SMIM8: variants seen among roughly 807,000 people sequenced by gnomAD.
SMIM8 encodes the protein UPF0708 protein C6orf162.
SMIM8 carries 8 observed loss-of-function variants against 8.1 expected under a neutral mutation model. The observed-to-expected ratio is 0.99, with a 90% CI of 0.58 to 1.78. The LOEUF is 1.78. Among genes scored for constraint, SMIM8 ranks in the 40% most tolerant of loss-of-function variants. The probability of loss-of-function intolerance (pLI) is 0.00; values close to 1 mark genes in which losing one functional copy is unlikely to be tolerated. For synonymous variants in SMIM8, 45 were observed against 39.7 expected (o/e 1.13, Z -0.50); for missense variants, 126 against 119.8 (o/e 1.05, Z -0.24).
chr6:87,323,922 C>T (rs925123071), intron 1 of SMIM8, among the ~76,000 whole-genome samples: 2 of 152,010 alleles, frequency 1.3e-5, no homozygotes, highest in African/African-American at 2.4e-5. Flanking sequence ...TCTCCACAGC[C>T]TCTCCAGCAC....
intron 2 of SMIM8, among the ~76,000 whole-genome samples, chr6:87,335,422 A>G (rs1301466924): frequency 1.3e-5 from 2 of 152,228 alleles, no homozygotes; most frequent in African/African-American, 4.8e-5. Flanking sequence ...GAAGAAGGCA[A>G]CAATGATAAT....
chr6:87,336,609 G>A (rs1777117993), intron 2 of SMIM8, among the ~76,000 whole-genome samples: 1 of 152,116 alleles, frequency 6.6e-6, no homozygotes, highest in Admixed American at 6.6e-5. Context: ...TCAGGTTGGT[G>A]TTATGGAGGG....
At chr6:87,333,345 C>T (rs1404983249) in intron 2 of SMIM8, among the ~76,000 whole-genome samples, 14 of 152,214 alleles carry the variant, frequency 9.2e-5, no homozygotes, top group Admixed American at 5.9e-4. Flanking sequence ...TAGGCCTCAC[C>T]TCCGACATTG....
chr6:87,335,436 G>C (rs1218265386), intron 2 of SMIM8, among the ~76,000 whole-genome samples: 1 of 152,158 alleles, frequency 6.6e-6, no homozygotes, highest in Non-Finnish European at 1.5e-5. Flanking sequence ...TGATAATCAT[G>C]ATATGCATGA....
intron 1 of SMIM8, among the ~76,000 whole-genome samples, chr6:87,329,528 C>A (rs1490263311): frequency 6.6e-6 from 1 of 152,020 alleles, no homozygotes; most frequent in African/African-American, 2.4e-5. Context: ...TGACCTCAAG[C>A]AATCTACCCG....
At chr6:87,329,946 C>G (rs570424950) in intron 1 of SMIM8, among the ~76,000 whole-genome samples, 2 of 152,244 alleles carry the variant, frequency 1.3e-5, no homozygotes, top group South Asian at 4.2e-4. Flanking sequence ...CATTTAGTAC[C>G]TATCTATGCA....
At chr6:87,339,997 A>G (rs1177974596) in intron 3 of SMIM8, 119 bp from the exon 4 acceptor site, 2 of 669,084 alleles carry the variant, frequency 3.0e-6, no homozygotes, top group Non-Finnish European at 4.8e-6. Context: ...AAATATTGCC[A>G]TGGTAATGCT....
intron 1 of SMIM8, among the ~76,000 whole-genome samples, chr6:87,323,657 C>T (rs1450551321): frequency 1.3e-5 from 2 of 152,072 alleles, no homozygotes; most frequent in Non-Finnish European, 2.9e-5. Context: ...GCCACATTTT[C>T]TTAATCCAGT....
intron 1 of SMIM8, among the ~76,000 whole-genome samples, chr6:87,325,466 T>G (rs1373757221): frequency 7.9e-6 from 1 of 126,286 alleles, no homozygotes; most frequent in East Asian, 2.2e-4. Flanking sequence ...ATTGAGAGTT[T>G]TTAGCATGAA....
At chr6:87,338,820 G>T (rs139530586) in intron 3 of SMIM8, among the ~76,000 whole-genome samples, 11 of 152,158 alleles carry the variant, frequency 7.2e-5, no homozygotes, top group African/African-American at 2.4e-4. Flanking sequence ...GCAAAGAAAA[G>T]GGTCTGAGGT....
intron 1 of SMIM8, among the ~76,000 whole-genome samples, chr6:87,324,492 A>G (rs1776766029): frequency 6.6e-6 from 1 of 150,580 alleles, no homozygotes; most frequent in South Asian, 2.1e-4. Flanking sequence ...ACATATGGCT[A>G]GCCAGTTTTC....
chr6:87,332,323 ATATG>A (rs879401512), intron 2 of SMIM8, among the ~76,000 whole-genome samples: 9,689 of 89,792 alleles, frequency 0.11, 799 homozygotes, highest in African/African-American at 0.26. Context: ...CCCCCCCCAT[ATATG>A]TATATATATA....
chr6:87,328,404 T>G (rs1202502083), intron 1 of SMIM8, among the ~76,000 whole-genome samples: 2 of 152,080 alleles, frequency 1.3e-5, no homozygotes, highest in Non-Finnish European at 2.9e-5. Context: ...TTGTCTTTGT[T>G]GATGGTGATG....
At chr6:87,330,002 A>T (rs1161138295) in intron 1 of SMIM8, among the ~76,000 whole-genome samples, 1 of 152,360 alleles carries the variant, frequency 6.6e-6, no homozygotes, top group South Asian at 2.1e-4. Context: ...TGAGAATCAG[A>T]GTTGTCACTT....
intron 1 of SMIM8, among the ~76,000 whole-genome samples, chr6:87,329,848 G>T (rs1776951367): frequency 6.6e-6 from 1 of 152,172 alleles, no homozygotes; most frequent in South Asian, 2.1e-4. Flanking sequence ...TTTAGAAGGG[G>T]GAGTTAGACT....
chr6:87,337,237 G>A (rs1352084599), intron 3 of SMIM8, 71 bp downstream of exon 3: 2 of 1,458,480 alleles, frequency 1.4e-6, no homozygotes, highest in Non-Finnish European at 1.8e-6. Flanking sequence ...TAATTTTCTT[G>A]TATTTGATTT....
chr6:87,336,625 T>A (rs914674800), intron 2 of SMIM8, among the ~76,000 whole-genome samples: 1 of 152,102 alleles, frequency 6.6e-6, no homozygotes, highest in Non-Finnish European at 1.5e-5. Context: ...GAGGGGCTGT[T>A]GAAAGGTGAG....
intron 2 of SMIM8, among the ~76,000 whole-genome samples, chr6:87,331,550 G>T (rs1161585868): frequency 1.3e-5 from 2 of 152,134 alleles, no homozygotes; most frequent in African/African-American, 4.8e-5. Context: ...AGCTCTGTGG[G>T]CTGGCATGTG....
In SMIM8 at chr6:87,341,472, C is replaced by G. The variant is rs1272139457; in HGVS notation, c.*1198C>G. Reference sequence around the variant, plus strand: ...AATTCAAATCTTTCTTACAAGGGTTCTGGACCCGTTTCATTTCTAGATATA... The same window carrying G: ...AATTCAAATCTTTCTTACAAGGGTTGTGGACCCGTTTCATTTCTAGATATA... On this transcript the variant is annotated 3_prime_UTR_variant, in exon 4 of 4. Transcript: ENST00000392863. The G allele has an allele frequency of 1.5e-5, 6 of 393,168 alleles. No homozygotes were observed. The highest frequency in any genetic ancestry group is 8.2e-5 in the African/African-American group (4 of 48,504). The allele number at this position is 393,168 out of a possible 1,614,324, so 24.4% of individuals were successfully genotyped here. A position where few individuals can be genotyped will look rare whatever the true frequency, so the allele number is the denominator to read the frequency against.
Sources: gnomAD v4.1 joint callset for allele counts (sites outside exome capture counted in the v4.1 genomes callset) on GRCh38, gnomAD v4.1.1 for gene constraint, MANE v1.5 for transcripts, NCBI Gene and HGNC (gene_info 2026-07-23, HGNC 2026-07-21) for gene names.